CPAP: variants seen among roughly 807,000 people sequenced by gnomAD.
CPAP encodes the protein centrosomal P4.1-associated protein.
the CPAP span, chr13:24,883,227 T>C: frequency 1.2e-5 from 19 of 1,614,120 alleles, no homozygotes; most frequent in South Asian, 1.6e-4. Context: ...TTAACTCTTA[T>C]CCGACCGGAT....
the CPAP span, chr13:24,884,615 G>T: frequency 1.3e-6 from 1 of 768,138 alleles, no homozygotes; most frequent in Non-Finnish European, 2.2e-6. Flanking sequence ...TAGCAAACTC[G>T]TGATTTTCTA....
chr13:24,921,492 G>GT, the CPAP span, among the ~76,000 whole-genome samples: 1 of 99,486 alleles, frequency 1.0e-5, no homozygotes, highest in South Asian at 4.5e-4. Flanking sequence ...GGTTAATACA[G>GT]GGGGTGGATA....
chr13:24,903,071 T>A, the CPAP span, among the ~76,000 whole-genome samples: 1 of 152,228 alleles, frequency 6.6e-6, no homozygotes, highest in Non-Finnish European at 1.5e-5. Flanking sequence ...TATGTCTACG[T>A]AAAATTTATA....
the CPAP span, chr13:24,922,989 G>A: frequency 6.6e-6 from 1 of 152,314 alleles, no homozygotes; most frequent in Non-Finnish European, 1.5e-5. Context: ...TTGCCCGGCG[G>A]GGGATGGACT....
chr13:24,913,771 G>A, the CPAP span, among the ~76,000 whole-genome samples: 42 of 152,352 alleles, frequency 2.8e-4, no homozygotes, highest in African/African-American at 1.0e-3. Context: ...TAGGAGAAAT[G>A]TAATTCTTAT....
chr13:24,905,838 C>A, the CPAP span: 1 of 1,614,154 alleles, frequency 6.2e-7, no homozygotes, highest in Non-Finnish European at 8.5e-7. Flanking sequence ...TCATCACAGA[C>A]TTGTGGGCTA....
chr13:24,883,275 T>C, the CPAP span: 1 of 1,614,054 alleles, frequency 6.2e-7, no homozygotes, highest in South Asian at 1.1e-5. Flanking sequence ...GCATATACGG[T>C]TTTAACAGTG....
the CPAP span, among the ~76,000 whole-genome samples, chr13:24,910,811 A>T: frequency 6.6e-6 from 1 of 152,192 alleles, no homozygotes; most frequent in African/African-American, 2.4e-5. Flanking sequence ...CCATAAAGAA[A>T]CCCTAAGCCA....
At chr13:24,884,400 CTTCCT>C in the CPAP span, 14 of 1,614,020 alleles carry the variant, frequency 8.7e-6, no homozygotes, top group Admixed American at 5.0e-5. Flanking sequence ...TCTGCACTCA[CTTCCT>C]TTCGAGTTCC....
At chr13:24,908,603 T>TAAAAG in the CPAP span, among the ~76,000 whole-genome samples, 2 of 85,832 alleles carry the variant, frequency 2.3e-5, no homozygotes, top group Non-Finnish European at 4.7e-5. Flanking sequence ...AAAAATAAAA[T>TAAAAG]AAAATAAAAT....
chr13:24,893,165 T>A, the CPAP span, among the ~76,000 whole-genome samples: 5 of 151,980 alleles, frequency 3.3e-5, no homozygotes, highest in Non-Finnish European at 7.4e-5. Context: ...CCTGAGCTAT[T>A]AACTGAAAGG....
chr13:24,901,088 T>G, the CPAP span, among the ~76,000 whole-genome samples: 2 of 152,142 alleles, frequency 1.3e-5, no homozygotes, highest in Admixed American at 1.3e-4. Flanking sequence ...TTTAAAGCCT[T>G]GAGACCGGAC....
At chr13:24,907,198 T>G in the CPAP span, 2 of 1,593,274 alleles carry the variant, frequency 1.3e-6, no homozygotes, top group South Asian at 2.2e-5. Context: ...ATGGGCCTAA[T>G]TAGAAACAGA....
chr13:24,910,146 C>A, the CPAP span: 1 of 1,468,642 alleles, frequency 6.8e-7, no homozygotes, highest in Non-Finnish European at 9.4e-7. Flanking sequence ...TCTTTTATCC[C>A]CAGTAGTGAC....
the CPAP span, among the ~76,000 whole-genome samples, chr13:24,923,066 A>T: frequency 1.3e-5 from 2 of 152,180 alleles, no homozygotes; most frequent in Non-Finnish European, 2.9e-5. Flanking sequence ...CGGGGCGGAA[A>T]ACCGTTTCCG....
chr13:24,893,982 G>C, the CPAP span, among the ~76,000 whole-genome samples: 6 of 152,076 alleles, frequency 3.9e-5, no homozygotes, highest in African/African-American at 1.4e-4. Flanking sequence ...GTAAGGTGGC[G>C]GGGCTGTGTG....
chr13:24,902,878 G>A, the CPAP span, among the ~76,000 whole-genome samples: 3 of 152,106 alleles, frequency 2.0e-5, no homozygotes, highest in Admixed American at 6.5e-5. Flanking sequence ...AGGCAGCCAT[G>A]GGAACTACAG....
At chr13:24,898,062 T>C in the CPAP span, among the ~76,000 whole-genome samples, 4 of 152,056 alleles carry the variant, frequency 2.6e-5, no homozygotes, top group African/African-American at 4.8e-5. Context: ...CCCGGCTAAT[T>C]TTTTTGTATT....
At chr13:24,925,998 C>G in the CPAP span, 1 of 152,474 alleles carries the variant, frequency 6.6e-6, no homozygotes, top group Non-Finnish European at 1.5e-5. Context: ...AGCTGTTTGC[C>G]TGCTCACTCT....
Sources: gnomAD v4.1 joint callset for allele counts (sites outside exome capture counted in the v4.1 genomes callset) on GRCh38, gnomAD v4.1.1 for gene constraint, MANE v1.5 for transcripts, NCBI Gene and HGNC (gene_info 2026-07-23, HGNC 2026-07-21) for gene names.